PKP2: variants seen among roughly 807,000 people sequenced by gnomAD.
PKP2 encodes plakophilin-2.
A neutral mutation model predicts 83.4 loss-of-function variants in PKP2; 73 were observed. The ratio of observed to expected loss-of-function variants is 0.88; its 90% CI spans 0.72 to 1.06. The LOEUF (loss-of-function observed/expected upper bound fraction) is 1.06, where lower values mean the gene tolerates loss of function less well. Among genes scored for constraint, PKP2 ranks in the 50% least tolerant of loss-of-function variants. The probability of loss-of-function intolerance (pLI) is 0.00; values close to 1 mark genes in which losing one functional copy is unlikely to be tolerated. For synonymous variants in PKP2, 409 were observed against 430.4 expected (o/e 0.95, Z 0.62); for missense variants, 966 against 1,065.4 (o/e 0.91, Z 1.30).
chr12:32,855,298 C>G (rs1956735142), intron 4 of PKP2, among the ~76,000 whole-genome samples: 1 of 152,122 alleles, frequency 6.6e-6, no homozygotes. Flanking sequence ...AGAGGCAGAG[C>G]TGACACTTTA....
chr12:32,806,167 A>C (rs1186227966), intron 9 of PKP2, among the ~76,000 whole-genome samples: 3 of 152,110 alleles, frequency 2.0e-5, no homozygotes, highest in African/African-American at 4.8e-5. Flanking sequence ...ATTGGCCTGA[A>C]GTTTTCTTTT....
At chr12:32,851,862 CTTTTAAATGTGTTA>C (rs150623422) in intron 4 of PKP2, among the ~76,000 whole-genome samples, 10,361 of 152,240 alleles carry the variant, frequency 0.068, 1,238 homozygotes, top group African/African-American at 0.24. Context: ...TAATTTTACA[CTTTTAAATGTGTTA>C]TTTAAAAAAT....
rs763427502 is a variant in PKP2, at chr12:32,841,065, C to T, written c.1519G>A (p.Asp507Asn). Residue 507 changes from aspartate to asparagine, a missense_variant, in exon 6 of 13, where the codon GAT becomes AAT. Transcript: ENST00000340811. Reference protein sequence around the residue: ...GDYPKANGLLDFDIFYNVTGC... With the variant: ...GDYPKANGLLNFDIFYNVTGC... ...GTGACGTTGTAGAATATGTCAAAAT[C>T]GAGCAAACCATTTGCTTTTGGGTAG... 18 of 1,613,808 alleles carry T rather than the reference C, an allele frequency of 1.1e-5. No individual in the cohort carries two copies. In the South Asian group the frequency reaches 1.2e-4, roughly 11 times the overall value.
At chr12:32,840,057 C>T (rs1377460615) in intron 6 of PKP2, among the ~76,000 whole-genome samples, 1 of 152,166 alleles carries the variant, frequency 6.6e-6, no homozygotes, top group Non-Finnish European at 1.5e-5. Context: ...TCCTAGTTCG[C>T]AAACTTCAGT....
intron 5 of PKP2, among the ~76,000 whole-genome samples, chr12:32,846,892 C>A (rs1212868212): frequency 6.6e-6 from 1 of 152,018 alleles, no homozygotes; most frequent in Non-Finnish European, 1.5e-5. Flanking sequence ...GGGGTGACAG[C>A]AAAACACTCA....
rs770443705 is a variant in PKP2, at chr12:32,896,719, C to CGGGGGCTGCCATGGGGCCGGT, written c.-9_12dup (p.Pro4_Gly5insThrGlyProMetAlaAlaPro). 1.2e-5 allele frequency: 18 copies of CGGGGGCTGCCATGGGGCCGGT among 1,465,618 alleles called. No individual in the cohort carries two copies. The African/African-American group carries it at 2.3e-4, about 19-fold the overall frequency. 90.8% of individuals were successfully genotyped at this position (1,465,618 alleles called of 1,614,324 possible). ...ATGTAGCCGTACTCAGCTGGGGCGCCGGGGGCTGCCATGGGGCCGGTGGGG... is the reference window on the plus strand; with the variant it reads ...ATGTAGCCGTACTCAGCTGGGGCGCCGGGGGCTGCCATGGGGCCGGTGGGGGCTGCCATGGGGCCGGTGGGG... On this transcript the variant is annotated inframe_insertion, in exon 1 of 13. Coordinates refer to ENST00000340811, the MANE Select transcript of PKP2 (RefSeq NM_001005242.3).
At chr12:32,892,826 G>GGGT in intron 1 of PKP2, among the ~76,000 whole-genome samples, 1 of 128,558 alleles carries the variant, frequency 7.8e-6, no homozygotes, top group Non-Finnish European at 1.7e-5. Flanking sequence ...GGCGGGGGGG[G>GGGT]GGGGAGAACT....
intron 4 of PKP2, among the ~76,000 whole-genome samples, chr12:32,855,773 C>CAAAAAA (rs11431590): frequency 5.3e-4 from 25 of 46,816 alleles, no homozygotes; most frequent in South Asian, 8.4e-4. Context: ...GACTCCATCT[C>CAAAAAA]AAAAAAAAAA....
rs534745984 is a variant in PKP2 at position 32,803,658 on chromosome 12, A to C, written c.2014-1102T>G. 2.6e-5 allele frequency among the ~76,000 whole-genome samples: 4 copies of C among 152,290 alleles called. No homozygotes were observed. The South Asian group carries it at 8.3e-4, about 32-fold the overall frequency. Reference sequence around the variant, plus strand: ...CCTTCACTGAAATGCTTGAGACCAGAAGTGTTTTGGTTTTTTTCAGATTTT... The same window carrying C: ...CCTTCACTGAAATGCTTGAGACCAGCAGTGTTTTGGTTTTTTTCAGATTTT... On this transcript the variant is annotated intron_variant, in intron 9 of 12. Transcript: ENST00000340811.
chr12:32,873,048 CCT>C (rs1304826172), intron 3 of PKP2, among the ~76,000 whole-genome samples: 1 of 152,124 alleles, frequency 6.6e-6, no homozygotes, highest in Non-Finnish European at 1.5e-5. Context: ...GAAGATCCAC[CCT>C]CTCTGCTTAG....
At chr12:32,831,036 A>C (rs576076333) in intron 6 of PKP2, among the ~76,000 whole-genome samples, 3 of 152,376 alleles carry the variant, frequency 2.0e-5, no homozygotes, top group South Asian at 4.1e-4. Flanking sequence ...ATTAGCTAGA[A>C]TATGTTAGGT....
At position 32,792,302 on chromosome 12, in the gene PKP2, G is replaced by C. The variant is rs1565570817; in HGVS notation, c.*122C>G. ...TTCTATTTGTTTTCTGGATTCAGGG[G>C]ACCACGGAAATAGAGAAGGATAGAA... On this transcript the variant is annotated 3_prime_UTR_variant, in exon 13 of 13. Coordinates refer to ENST00000340811, the MANE Select transcript of PKP2 (RefSeq NM_001005242.3). The C allele has an allele frequency of 1.3e-6, 1 of 776,442 alleles. No homozygotes were observed. The highest frequency in any genetic ancestry group is 2.3e-6 in the Non-Finnish European group (1 of 432,770). The allele number at this position is 776,442 out of a possible 1,614,324, so 48.1% of individuals were successfully genotyped here.
At chr12:32,890,952 C>CA (rs56900611) in intron 1 of PKP2, among the ~76,000 whole-genome samples, 8,632 of 70,244 alleles carry the variant, frequency 0.12, 374 homozygotes, top group African/African-American at 0.21. Context: ...AAGAGCGAAA[C>CA]AAAAAAAAAA....
chr12:32,868,433 T>C (rs1592758645), intron 4 of PKP2, among the ~76,000 whole-genome samples: 1 of 152,166 alleles, frequency 6.6e-6, no homozygotes, highest in African/African-American at 2.4e-5. Context: ...GCCAGGCTGG[T>C]CTTGAACTCC....
intron 10 of PKP2, among the ~76,000 whole-genome samples, 184 bp downstream of exon 10, chr12:32,802,219 G>A (rs1030410277): frequency 1.3e-5 from 2 of 151,244 alleles, no homozygotes; most frequent in African/African-American, 4.9e-5. Context: ...AAAAATCTCT[G>A]GTGAGATCCA....
chr12:32,873,947 A>T (rs192315374), intron 3 of PKP2, among the ~76,000 whole-genome samples: 1 of 151,828 alleles, frequency 6.6e-6, no homozygotes, highest in Admixed American at 6.6e-5. Context: ...TTCATCTATA[A>T]TTTTTTTTGT....
intron 6 of PKP2, among the ~76,000 whole-genome samples, chr12:32,835,550 GAA>G (rs373756377): frequency 0.51 from 8,038 of 15,708 alleles, 964 homozygotes; most frequent in East Asian, 0.68. Flanking sequence ...AGGAAAAAAA[GAA>G]AAAGAGGAAA....
intron 1 of PKP2, among the ~76,000 whole-genome samples, chr12:32,883,010 A>G (rs1956999590): frequency 6.6e-6 from 1 of 152,226 alleles, no homozygotes; most frequent in African/African-American, 2.4e-5. Flanking sequence ...GCAACTCCAA[A>G]TACTCTGTAA....
chr12:32,892,520 TG>T (rs1391346766), intron 1 of PKP2, among the ~76,000 whole-genome samples: 2 of 151,970 alleles, frequency 1.3e-5, no homozygotes, highest in African/African-American at 2.4e-5. Flanking sequence ...TTCACCATGT[TG>T]GCCAGGCTGA....
Sources: allele counts gnomAD v4.1 joint callset (sites outside exome capture counted in the v4.1 genomes callset), GRCh38; gene constraint gnomAD v4.1.1; transcripts MANE v1.5; gene names NCBI Gene and HGNC (gene_info 2026-07-23, HGNC 2026-07-21).